SYN3: variants seen among roughly 807,000 people sequenced by gnomAD.
SYN3 encodes the protein synapsin-3.
A neutral mutation model predicts 65.8 loss-of-function variants in SYN3; 35 were observed. The observed-to-expected ratio is 0.53, with a 90% CI of 0.41 to 0.70. The LOEUF (loss-of-function observed/expected upper bound fraction) is 0.70, where lower values mean the gene tolerates loss of function less well. Ranked by LOEUF, SYN3 falls within the 30% of genes least tolerant of loss-of-function variation. The pLI, the probability that SYN3 is intolerant of heterozygous loss-of-function variation, is 0.00. For synonymous variants in SYN3, 270 were observed against 292.9 expected, an observed-to-expected ratio of 0.92 and a Z score of 0.80; for missense variants, 680 against 749.0, an observed-to-expected ratio of 0.91 and a Z score of 1.08.
At chr22:33,042,417 T>C (rs761209162) in intron 1 of SYN3, among the ~76,000 whole-genome samples, 2 of 152,304 alleles carry the variant, frequency 1.3e-5, no homozygotes, top group Middle Eastern at 3.4e-3. Flanking sequence ...TAGTAAACAA[T>C]ACACGTATAT....
At chr22:32,542,650 G>A (rs2146248208) in intron 7 of SYN3, among the ~76,000 whole-genome samples, 1 of 149,398 alleles carries the variant, frequency 6.7e-6, no homozygotes, top group Non-Finnish European at 1.5e-5. Context: ...GTGTGTGTGT[G>A]TGTGCGCGCG....
At chr22:32,517,973 C>T (rs761172436) in intron 13 of SYN3, 70 bp downstream of exon 13, 39 of 1,389,862 alleles carry the variant, frequency 2.8e-5, no homozygotes, top group Non-Finnish European at 3.7e-5. Flanking sequence ...AGTCCCTAAC[C>T]CTGAATCAGC....
intron 6 of SYN3, chr22:32,833,971 A>G (rs942079404): frequency 8.5e-6 from 4 of 472,030 alleles, no homozygotes; most frequent in African/African-American, 2.0e-5. Flanking sequence ...AACTACCCAC[A>G]TGACCATCCT....
chr22:32,524,502 T>C (rs546084991), intron 12 of SYN3, among the ~76,000 whole-genome samples: 3 of 152,324 alleles, frequency 2.0e-5, no homozygotes, highest in East Asian at 3.9e-4. Context: ...ATTTCCAATA[T>C]GGTTCATTGA....
chr22:32,531,010 C>T (rs1267214559), intron 10 of SYN3, among the ~76,000 whole-genome samples: 3 of 151,704 alleles, frequency 2.0e-5, no homozygotes, highest in Non-Finnish European at 2.9e-5. Context: ...CCCTCAGGCT[C>T]CTCCCCATAG....
Position 32,875,242 on chromosome 22 carries a change from C to T in SYN3, c.462-6117G>A, listed in dbSNP as rs530587785. Among the ~76,000 whole-genome samples, 15 of 152,286 alleles carry T rather than the reference C, an allele frequency of 9.8e-5. 1 individual carries two copies. In the East Asian group the frequency reaches 1.9e-3, roughly 20 times the overall value. On this transcript the variant is annotated intron_variant, in intron 4 of 13. Coordinates refer to ENST00000358763, the MANE Select transcript of SYN3 (RefSeq NM_003490.4). Reference sequence around the variant, plus strand: ...GATGCACACCGGTGGAGAAGGGGCCCGGTGGGGTTTACAGACAGCCCGGCT... The same window carrying T: ...GATGCACACCGGTGGAGAAGGGGCCTGGTGGGGTTTACAGACAGCCCGGCT...
intron 4 of SYN3, among the ~76,000 whole-genome samples, chr22:32,890,670 G>A (rs1433760729): frequency 5.9e-5 from 9 of 152,052 alleles, no homozygotes; most frequent in African/African-American, 7.2e-5. Flanking sequence ...GTGAGCCACC[G>A]CGCCCGGCCG....
intron 6 of SYN3, among the ~76,000 whole-genome samples, chr22:32,597,506 G>A (rs748167550): frequency 8.6e-5 from 13 of 151,962 alleles, no homozygotes; most frequent in Non-Finnish European, 1.3e-4. Flanking sequence ...GTGAGCCACC[G>A]CGCCTGGCCC....
intron 6 of SYN3, among the ~76,000 whole-genome samples, chr22:32,615,448 A>AAG (rs1555909319): frequency 1.0e-3 from 153 of 149,552 alleles, no homozygotes; most frequent in African/African-American, 3.5e-3. Context: ...AAAAAAAAAA[A>AAG]AAAGAAAAAA....
chr22:32,518,578 A>G (rs1408881107), intron 12 of SYN3: 3 of 652,494 alleles, frequency 4.6e-6, no homozygotes, highest in East Asian at 3.0e-5. Context: ...GACACAGGAT[A>G]CTGTTGATAA....
intron 6 of SYN3, among the ~76,000 whole-genome samples, chr22:32,737,684 A>G (rs1478301618): frequency 2.0e-5 from 3 of 152,226 alleles, no homozygotes; most frequent in African/African-American, 4.8e-5. Flanking sequence ...TGAGGGAGCT[A>G]TATCTATTCC....
chr22:32,879,951 T>C (rs2049083214), intron 4 of SYN3, among the ~76,000 whole-genome samples: 1 of 152,246 alleles, frequency 6.6e-6, no homozygotes, highest in Admixed American at 6.5e-5. Context: ...TTGAGATTGT[T>C]GCTTCTCCTC....
At chr22:32,549,404 C>T (rs568206060) in intron 7 of SYN3, among the ~76,000 whole-genome samples, 4 of 152,088 alleles carry the variant, frequency 2.6e-5, no homozygotes, top group Admixed American at 6.5e-5. Context: ...CAGGCATGTG[C>T]CACCACATCT....
chr22:32,825,064 ACAGGACTCAGG>A (rs2047362284), intron 6 of SYN3, among the ~76,000 whole-genome samples: 1 of 152,074 alleles, frequency 6.6e-6, no homozygotes. Context: ...CAGAAAAGGG[ACAGGACTCAGG>A]CAGATAGGAT....
At chr22:32,539,781 T>G (rs1448410985) in intron 8 of SYN3, among the ~76,000 whole-genome samples, 3 of 104,226 alleles carry the variant, frequency 2.9e-5, no homozygotes, top group Non-Finnish European at 2.0e-5. Flanking sequence ...TGCAATGAGG[T>G]AATCCTCAAG....
chr22:32,574,591 T>G (rs1446413787), intron 7 of SYN3, among the ~76,000 whole-genome samples: 1 of 152,206 alleles, frequency 6.6e-6, no homozygotes, highest in Non-Finnish European at 1.5e-5. Context: ...GCCTTGCTGG[T>G]TTCTCTGACC....
At chr22:32,903,791 G>A (rs1176800115) in intron 4 of SYN3, among the ~76,000 whole-genome samples, 2 of 152,220 alleles carry the variant, frequency 1.3e-5, no homozygotes, top group African/African-American at 4.8e-5. Context: ...AATGACTGAC[G>A]ACAATGGGTG....
intron 6 of SYN3, among the ~76,000 whole-genome samples, chr22:32,696,876 T>C (rs1408599763): frequency 6.6e-6 from 1 of 152,220 alleles, no homozygotes; most frequent in East Asian, 1.9e-4. Context: ...GTCTCCAGCA[T>C]TGATTTACCT....
intron 6 of SYN3, among the ~76,000 whole-genome samples, chr22:32,614,245 C>T (rs769073301): frequency 3.3e-5 from 5 of 152,174 alleles, no homozygotes; most frequent in African/African-American, 7.2e-5. Context: ...TCTGGGCTTC[C>T]GTGGTAGAGG....
Sources: allele counts gnomAD v4.1 joint callset (sites outside exome capture counted in the v4.1 genomes callset), GRCh38; gene constraint gnomAD v4.1.1; transcripts MANE v1.5; gene names NCBI Gene and HGNC (gene_info 2026-07-23, HGNC 2026-07-21).